Variants in RCAN3 observed in about 807,000 individuals in gnomAD.
The protein encoded by RCAN3 is calcipressin-3.
Under a neutral mutation model 21.9 loss-of-function variants are expected in RCAN3, and 19 were observed. The observed-to-expected ratio is 0.87, with a 90% CI of 0.61 to 1.27. RCAN3 has a LOEUF of 1.27. RCAN3 is among the 50% of genes most tolerant of loss of function. The pLI is 0.00. For synonymous variants in RCAN3, 114 were observed against 112.3 expected (o/e 1.01, Z -0.09); for missense variants, 240 against 300.1 (o/e 0.80, Z 1.48).
rs191536979 is a variant in RCAN3 at position 24,506,526 on chromosome 1, G to A, written c.-60+3376G>A. 3.4e-3 allele frequency among the ~76,000 whole-genome samples: 522 copies of A among 152,094 alleles called. 1 individual carries two copies. The highest frequency in any genetic ancestry group is 0.012 in the African/African-American group (502 of 41,510). On this transcript the variant is annotated intron_variant, in intron 1 of 4. Transcript: ENST00000374395. ...TACACTGAAGTATTTGGAAGTAAAA[G>A]GGGTATGCTCCATCTTTCAATGGCT...
At chr1:24,524,915 C>A (rs1332353271) in intron 2 of RCAN3, among the ~76,000 whole-genome samples, 3 of 150,878 alleles carry the variant, frequency 2.0e-5, no homozygotes, top group Non-Finnish European at 4.4e-5. Context: ...CTGCAACCTC[C>A]GCCTCCCAGG....
intron 1 of RCAN3, among the ~76,000 whole-genome samples, chr1:24,505,815 A>G (rs1393089375): frequency 6.6e-6 from 1 of 152,216 alleles, no homozygotes. Flanking sequence ...AATGTTCACC[A>G]AGTTGGGAAG....
intron 1 of RCAN3, among the ~76,000 whole-genome samples, chr1:24,507,093 G>A (rs866461474): frequency 6.6e-6 from 1 of 152,208 alleles, no homozygotes; most frequent in East Asian, 1.9e-4. Flanking sequence ...ACCCACAATG[G>A]CATGCTGATA....
chr1:24,509,503 G>C (rs1647716472), intron 1 of RCAN3, among the ~76,000 whole-genome samples: 1 of 152,202 alleles, frequency 6.6e-6, no homozygotes, highest in African/African-American at 2.4e-5. Flanking sequence ...TTTATCTCAA[G>C]AGACCACCCT....
rs372999089 is a variant in RCAN3 at position 24,529,550 on chromosome 1, C to T, written c.196-1668C>T. 1.2e-4 allele frequency among the ~76,000 whole-genome samples: 11 copies of T among 89,526 alleles called. No homozygotes were observed. The East Asian group carries it at 1.3e-3, about 11-fold the overall frequency. 58.7% of individuals were successfully genotyped at this position (89,526 alleles called of 152,430 possible). On this transcript the variant is annotated intron_variant, in intron 2 of 4. Coordinates refer to ENST00000374395, the MANE Select transcript of RCAN3 (RefSeq NM_013441.4). ...TGGGTGACAGAGAGACTCTGTCTCTCTTTTTTTTTTTTTTTTTTAGGACAG... is the reference window on the plus strand; with the variant it reads ...TGGGTGACAGAGAGACTCTGTCTCTTTTTTTTTTTTTTTTTTTTAGGACAG...
Position 24,525,188 on chromosome 1 carries a change from T to A in RCAN3, c.196-6030T>A, listed in dbSNP as rs1649162249. Among the ~76,000 whole-genome samples, 1 of 152,134 alleles carries A rather than the reference T, an allele frequency of 6.6e-6. No homozygotes were observed. The highest frequency in any genetic ancestry group is 1.5e-5 in the Non-Finnish European group (1 of 68,024). On this transcript the variant is annotated intron_variant, in intron 2 of 4. Coordinates refer to ENST00000374395, the MANE Select transcript of RCAN3 (RefSeq NM_013441.4). This position sits in a 1 kb window ranked among gnomAD's most constrained non-coding sequence, Gnocchi z 4.1. The stretch of plus-strand genomic sequence containing the variant: ...ATCTGTTGCTCCTTGAAACTGACCT[T>A]CCCATATGGCCTTTTCCACTTTTCT...
intron 1 of RCAN3, among the ~76,000 whole-genome samples, chr1:24,503,580 A>T (rs535024628): frequency 6.6e-6 from 1 of 152,328 alleles, no homozygotes; most frequent in South Asian, 2.1e-4. Flanking sequence ...TCACCATCGC[A>T]TTAGTGACTC....
In RCAN3 at chr1:24,533,178, G is replaced by A. The variant is rs764063484; in HGVS notation, c.465G>A (p.Val155=). 22 of 1,606,778 alleles carry A rather than the reference G, an allele frequency of 1.4e-5. No individual in the cohort carries two copies. Among genetic ancestry groups the A allele is most frequent in the Non-Finnish European group, 1.8e-5 (21 of 1,177,672 alleles). Residue 155 remains valine (V), a synonymous_variant, in exon 4 of 5, where the codon GTG becomes GTA. Transcript: ENST00000374395. The part of the protein sequence containing the change: ...FLISPPASPP[V]GWKQSEDAMP... ...TCTCCCCTCCAGCCTCTCCCCCGGT[G>A]GGGTGGAAGCAGAGCGAAGATGCGA...
intron 2 of RCAN3, among the ~76,000 whole-genome samples, chr1:24,519,462 T>G (rs1356291803): frequency 6.6e-6 from 1 of 152,204 alleles, no homozygotes; most frequent in Non-Finnish European, 1.5e-5. Context: ...GCCTTAGGTC[T>G]TGGTGTTTGA....
rs397966276 is a variant in RCAN3, at chr1:24,538,591, T to TC, written c.*3314_*3315insC. The TC allele has an allele frequency of 6.7e-6, 1 of 148,670 alleles. No homozygotes were observed. Among genetic ancestry groups the TC allele is most frequent in the African/African-American group, 2.5e-5 (1 of 40,434 alleles). The allele number at this position is 148,670 out of a possible 1,614,324, so 9.2% of individuals were successfully genotyped here. On this transcript the variant is annotated 3_prime_UTR_variant, in exon 5 of 5. Transcript: ENST00000374395. Reference sequence around the variant, plus strand: ...GGCTAATTTTTTTTTTTTTTTTTTTTATAAGTAGAGACGGGGTTTCACCAC... The same window carrying TC: ...GGCTAATTTTTTTTTTTTTTTTTTTTCATAAGTAGAGACGGGGTTTCACCAC...
intron 4 of RCAN3, among the ~76,000 whole-genome samples, chr1:24,533,593 A>G (rs1205568199): frequency 6.6e-6 from 1 of 152,184 alleles, no homozygotes; most frequent in Non-Finnish European, 1.5e-5. Flanking sequence ...TGAGGTCAGG[A>G]GTTCGAGACC....
intron 2 of RCAN3, among the ~76,000 whole-genome samples, chr1:24,528,744 A>C (rs1649490072): frequency 6.6e-6 from 1 of 152,218 alleles, no homozygotes; most frequent in Non-Finnish European, 1.5e-5. Context: ...AAAATAACAC[A>C]TCCACCTAAT....
chr1:24,533,328 A>C, intron 4 of RCAN3, 74 bp downstream of exon 4: 1 of 1,218,014 alleles, frequency 8.2e-7, no homozygotes. Context: ...AGCAGTGTGC[A>C]TTGTGGCAGT....
At chr1:24,523,665 G>A (rs1649017271) in intron 2 of RCAN3, among the ~76,000 whole-genome samples, 1 of 146,878 alleles carries the variant, frequency 6.8e-6, no homozygotes, top group African/African-American at 2.6e-5. Flanking sequence ...TTCTTCAGAT[G>A]GAGTCTCATT....
intron 2 of RCAN3, among the ~76,000 whole-genome samples, chr1:24,515,714 T>A (rs1489671460): frequency 1.3e-5 from 2 of 152,122 alleles, no homozygotes; most frequent in East Asian, 3.9e-4. Flanking sequence ...CAGGCGCTGG[T>A]GCCAGTTGCT....
intron 1 of RCAN3, among the ~76,000 whole-genome samples, chr1:24,508,065 C>T (rs963455745): frequency 1.3e-5 from 2 of 151,764 alleles, no homozygotes; most frequent in Admixed American, 6.6e-5. Flanking sequence ...GCCACTGCGC[C>T]GAGACTGCGC....
At chr1:24,510,735 C>T (rs147679058) in intron 1 of RCAN3, among the ~76,000 whole-genome samples, 174 of 152,276 alleles carry the variant, frequency 1.1e-3, no homozygotes, top group African/African-American at 4.1e-3. Flanking sequence ...CCTTTGGGAA[C>T]TTTTCCTTTG....
intron 1 of RCAN3, among the ~76,000 whole-genome samples, chr1:24,505,828 T>C (rs56260815): frequency 6.6e-6 from 1 of 152,196 alleles, no homozygotes; most frequent in Non-Finnish European, 1.5e-5. Flanking sequence ...TTGGGAAGCC[T>C]ATTAATTTGA....
At position 24,535,413 on chromosome 1, in the gene RCAN3, G is replaced by A; in HGVS notation, c.*136G>A. 2 of 888,286 alleles carry A rather than the reference G, an allele frequency of 2.3e-6. No homozygotes were observed. Among genetic ancestry groups the A allele is most frequent in the South Asian group, 3.0e-5 (1 of 33,166 alleles). 55.0% of individuals were successfully genotyped at this position (888,286 alleles called of 1,614,324 possible). A position where few individuals can be genotyped will look rare whatever the true frequency, so the allele number is the denominator to read the frequency against. ...AGGTATAGGTCTTCTCACCACGCCT[G>A]TACTGCAGACACGGTCGTGTAGAGT... On this transcript the variant is annotated 3_prime_UTR_variant, in exon 5 of 5. Coordinates refer to ENST00000374395, the MANE Select transcript of RCAN3 (RefSeq NM_013441.4).
Sources: gnomAD v4.1 joint callset for allele counts (sites outside exome capture counted in the v4.1 genomes callset) on GRCh38, gnomAD v4.1.1 for gene constraint, Gnocchi (gnomAD v3.1) non-coding constraint, MANE v1.5 for transcripts, NCBI Gene and HGNC (gene_info 2026-07-23, HGNC 2026-07-21) for gene names.